KATNIP: variants seen among roughly 807,000 people sequenced by gnomAD.
The protein encoded by KATNIP is katanin interacting protein.
Under a neutral mutation model 174.0 loss-of-function variants are expected in KATNIP, and 126 were observed. That is an observed-to-expected ratio of 0.72 (90% CI 0.63 to 0.84). The LOEUF is 0.84. Among genes scored for constraint, KATNIP ranks in the 40% least tolerant of loss-of-function variants. KATNIP has a pLI of 0.00. For synonymous variants in KATNIP, 810 were observed against 835.7 expected (o/e 0.97, Z 0.53); for missense variants, 1,958 against 2,109.7 (o/e 0.93, Z 1.41).
intron 6 of KATNIP, chr16:27,669,355 T>A (rs1426124852): frequency 1.0e-6 from 1 of 968,306 alleles, no homozygotes; most frequent in Non-Finnish European, 1.2e-6. Flanking sequence ...GCAGTCCCTG[T>A]CATCCGATCT....
chr16:27,628,901 C>A, intron 4 of KATNIP, 71 bp downstream of exon 4: 1 of 1,479,442 alleles, frequency 6.8e-7, no homozygotes. Flanking sequence ...GGTGCAGTGG[C>A]TCACACCTGT....
intron 19 of KATNIP, among the ~76,000 whole-genome samples, chr16:27,762,116 C>G (rs1451786043): frequency 6.6e-6 from 1 of 152,156 alleles, no homozygotes; most frequent in Non-Finnish European, 1.5e-5. Flanking sequence ...GCCTCAAATA[C>G]AGCATTGATC....
intron 6 of KATNIP, among the ~76,000 whole-genome samples, chr16:27,659,106 C>A (rs1203639575): frequency 2.0e-5 from 3 of 151,644 alleles, no homozygotes; most frequent in African/African-American, 4.8e-5. Context: ...CCATTAATAT[C>A]AAAAAAAGAC....
chr16:27,742,388 CATG>C (rs1446109728), intron 15 of KATNIP, among the ~76,000 whole-genome samples: 5 of 152,206 alleles, frequency 3.3e-5, no homozygotes, highest in African/African-American at 4.8e-5. Flanking sequence ...GAGCCTGTGA[CATG>C]ATGAGTGCTC....
intron 2 of KATNIP, among the ~76,000 whole-genome samples, chr16:27,593,075 A>G (rs2075229643): frequency 6.6e-6 from 1 of 151,756 alleles, no homozygotes. Context: ...TTATCTATCT[A>G]CCTCTCTGCT....
At chr16:27,659,046 C>A (rs1362350648) in intron 6 of KATNIP, among the ~76,000 whole-genome samples, 1 of 151,910 alleles carries the variant, frequency 6.6e-6, no homozygotes, top group African/African-American at 2.4e-5. Context: ...GGATTACAGG[C>A]GTGAGCCACC....
intron 13 of KATNIP, among the ~76,000 whole-genome samples, chr16:27,715,898 G>T (rs1194654909): frequency 6.6e-6 from 1 of 151,898 alleles, no homozygotes; most frequent in Non-Finnish European, 1.5e-5. Flanking sequence ...TCTCAAAAAG[G>T]TAAATGTAGG....
intron 2 of KATNIP, among the ~76,000 whole-genome samples, chr16:27,583,068 C>T (rs1011186874): frequency 6.6e-6 from 1 of 152,148 alleles, no homozygotes; most frequent in African/African-American, 2.4e-5. Context: ...TGTACACAAA[C>T]ACCCAAGTTT....
At chr16:27,555,743 G>T (rs886694192) in intron 1 of KATNIP, among the ~76,000 whole-genome samples, 3 of 151,912 alleles carry the variant, frequency 2.0e-5, no homozygotes, top group Non-Finnish European at 4.4e-5. Context: ...GGCTGAGGCA[G>T]GAGAATCGCT....
intron 5 of KATNIP, among the ~76,000 whole-genome samples, chr16:27,632,211 TCA>T (rs2076509308): frequency 6.6e-6 from 1 of 152,196 alleles, no homozygotes; most frequent in Non-Finnish European, 1.5e-5. Context: ...ATGACGAGGT[TCA>T]CACACTTGGA....
chr16:27,653,531 T>G (rs1311914782), intron 6 of KATNIP, among the ~76,000 whole-genome samples: 4 of 152,096 alleles, frequency 2.6e-5, no homozygotes. Flanking sequence ...CAGCAGGAAC[T>G]TAGGGCAGTT....
At position 27,778,822 on chromosome 16, in the gene KATNIP, G is replaced by A; in HGVS notation, c.*193G>A. 1.9e-6 allele frequency: 1 copy of A among 536,004 alleles called. No homozygotes were observed. The allele number at this position is 536,004 out of a possible 1,614,324, so 33.2% of individuals were successfully genotyped here. On this transcript the variant is annotated 3_prime_UTR_variant, in exon 28 of 28. Transcript: ENST00000261588. ...AGAGTGACAGATGGCTGTGGCTGCA[G>A]GGCAAAGAGATCCCCTGCAGTTCTG...
At position 27,637,507 on chromosome 16, in the gene KATNIP, TC is replaced by T. The variant is rs1030751227; in HGVS notation, c.408+6347del. 7.2e-5 allele frequency among the ~76,000 whole-genome samples: 11 copies of T among 151,986 alleles called. No individual in the cohort carries two copies. Among genetic ancestry groups the T allele is most frequent in the Admixed American group, 5.2e-4 (8 of 15,252 alleles). On this transcript the variant is annotated intron_variant, in intron 5 of 27. Coordinates refer to ENST00000261588, the MANE Select transcript of KATNIP (RefSeq NM_015202.5). This position sits in a 1 kb window ranked among gnomAD's most constrained non-coding sequence, Gnocchi z 4.7. Reference sequence around the variant, plus strand: ...GAAAGAGAAGCTGTCGGGGGAGCGCTCCTTCAGCGAAGGTGGGCAGCACAGC... The same window carrying T: ...GAAAGAGAAGCTGTCGGGGGAGCGCTCTTCAGCGAAGGTGGGCAGCACAGC...
chr16:27,576,692 C>A (rs2090510798), intron 2 of KATNIP, among the ~76,000 whole-genome samples: 2 of 152,184 alleles, frequency 1.3e-5, no homozygotes, highest in African/African-American at 4.8e-5. Flanking sequence ...TCTCGTCTGA[C>A]AGATTATAAC....
At chr16:27,712,670 G>A (rs528323599) in intron 13 of KATNIP, among the ~76,000 whole-genome samples, 33 of 152,168 alleles carry the variant, frequency 2.2e-4, no homozygotes, top group Non-Finnish European at 4.0e-4. Flanking sequence ...CTCATTGGCT[G>A]CATCCCAGCA....
At chr16:27,690,757 G>C (rs1403173048) in intron 8 of KATNIP, among the ~76,000 whole-genome samples, 1 of 152,122 alleles carries the variant, frequency 6.6e-6, no homozygotes, top group African/African-American at 2.4e-5. Flanking sequence ...CAGTTTCAAG[G>C]CCTACCAGGC....
intron 6 of KATNIP, among the ~76,000 whole-genome samples, chr16:27,665,409 T>G (rs2077647665): frequency 6.6e-6 from 1 of 150,520 alleles, no homozygotes; most frequent in African/African-American, 2.4e-5. Flanking sequence ...CCAGCATGCT[T>G]CCCCCTTTAC....
intron 14 of KATNIP, among the ~76,000 whole-genome samples, chr16:27,722,625 C>T (rs1282218375): frequency 3.3e-5 from 5 of 152,180 alleles, no homozygotes; most frequent in Non-Finnish European, 5.9e-5. Context: ...GTAAGGGAAG[C>T]GATCGTTCAA....
Position 27,777,288 on chromosome 16 carries a change from G to A in KATNIP, c.4551+259G>A, listed in dbSNP as rs2082533686. Among the ~76,000 whole-genome samples, 1 of 152,090 alleles carries A rather than the reference G, an allele frequency of 6.6e-6. No individual in the cohort carries two copies. The highest frequency in any genetic ancestry group is 6.5e-5 in the Admixed American group (1 of 15,268). On this transcript the variant is annotated intron_variant, in intron 25 of 27. Coordinates refer to ENST00000261588, the MANE Select transcript of KATNIP (RefSeq NM_015202.5). This position sits in a 1 kb window ranked among gnomAD's most constrained non-coding sequence, Gnocchi z 4.4. ...CTCTAGAATCCCACTGGTTTGGGGC[G>A]GTGACCCTGGGATGGGGAAAACAGG...
Sources: allele counts gnomAD v4.1 joint callset (sites outside exome capture counted in the v4.1 genomes callset), GRCh38; gene constraint gnomAD v4.1.1; non-coding constraint Gnocchi (gnomAD v3.1); transcripts MANE v1.5; gene names NCBI Gene and HGNC (gene_info 2026-07-23, HGNC 2026-07-21).